The following PCMTD1 variants were observed in gnomAD, a reference collection of about 807,000 sequenced individuals.
The protein encoded by PCMTD1 is protein-L-isoaspartate (D-aspartate) O-methyltransferase domain containing 1, also known as protein-L-isoaspartate O-methyltransferase domain-containing protein 1.
PCMTD1 carries 12 observed loss-of-function variants against 37.6 expected under a neutral mutation model. That is an observed-to-expected ratio of 0.32 (90% CI 0.20 to 0.52). The LOEUF (loss-of-function observed/expected upper bound fraction) is 0.52. Ranked by LOEUF, PCMTD1 falls within the 20% of genes least tolerant of loss-of-function variation. The probability of loss-of-function intolerance (pLI) is 0.97; values close to 1 mark genes in which losing one functional copy is unlikely to be tolerated. For missense variants in PCMTD1, 235 were observed against 421.3 expected, an observed-to-expected ratio of 0.56 and a Z score of 3.87; for synonymous variants, 117 against 135.8, an observed-to-expected ratio of 0.86 and a Z score of 0.96.
chr8:51,891,677 T>C (rs995744598), intron 1 of PCMTD1, among the ~76,000 whole-genome samples: 1 of 121,394 alleles, frequency 8.2e-6, no homozygotes, highest in African/African-American at 2.6e-5. Flanking sequence ...AAACAAAAAA[T>C]ATATATATAC....
chr8:51,864,162 CAAAG>C (rs1228410789), intron 1 of PCMTD1, among the ~76,000 whole-genome samples: 1 of 151,928 alleles, frequency 6.6e-6, no homozygotes, highest in Non-Finnish European at 1.5e-5. Flanking sequence ...CAAAAAGAGA[CAAAG>C]AAGCAAAGAA....
At chr8:51,824,528 T>C (rs2037893748) in intron 5 of PCMTD1, among the ~76,000 whole-genome samples, 1 of 152,174 alleles carries the variant, frequency 6.6e-6, no homozygotes, top group Admixed American at 6.5e-5. Context: ...AACAAATCAC[T>C]GTTCAAGGAA....
chr8:51,853,777 C>A (rs1303455657), intron 2 of PCMTD1, among the ~76,000 whole-genome samples: 1 of 151,954 alleles, frequency 6.6e-6, no homozygotes, highest in African/African-American at 2.4e-5. Flanking sequence ...TCAACAGGCC[C>A]CAGTGCAGAC....
intron 1 of PCMTD1, among the ~76,000 whole-genome samples, chr8:51,882,416 G>A (rs1054168839): frequency 6.6e-6 from 1 of 152,000 alleles, no homozygotes; most frequent in Non-Finnish European, 1.5e-5. Context: ...ACTTTTAGGG[G>A]GACATGAACA....
intron 1 of PCMTD1, among the ~76,000 whole-genome samples, chr8:51,893,138 A>G (rs2038958360): frequency 6.6e-6 from 1 of 152,206 alleles, no homozygotes; most frequent in South Asian, 2.1e-4. Flanking sequence ...TTCCTTTATA[A>G]GCATGCATTT....
At chr8:51,872,628 G>A (rs1372044703) in intron 1 of PCMTD1, among the ~76,000 whole-genome samples, 4 of 152,086 alleles carry the variant, frequency 2.6e-5, no homozygotes, top group Admixed American at 6.6e-5. Context: ...CTCCTCCTGG[G>A]TCAGGATTTC....
At chr8:51,838,828 C>T (rs1203824067) in intron 3 of PCMTD1, among the ~76,000 whole-genome samples, 1 of 151,980 alleles carries the variant, frequency 6.6e-6, no homozygotes, top group Admixed American at 6.6e-5. Context: ...AATAATACTA[C>T]ACTATTTATA....
At chr8:51,898,085 G>T (rs1048634739) in intron 1 of PCMTD1, among the ~76,000 whole-genome samples, 1 of 152,082 alleles carries the variant, frequency 6.6e-6, no homozygotes, top group Non-Finnish European at 1.5e-5. Flanking sequence ...CAAGGAGCAA[G>T]CAGTACTTTT....
intron 2 of PCMTD1, among the ~76,000 whole-genome samples, chr8:51,855,368 C>A (rs1249812897): frequency 5.2e-4 from 68 of 129,806 alleles, no homozygotes; most frequent in African/African-American, 1.7e-3. Context: ...TCTTTAATAC[C>A]AAAAAAAAAA....
intron 2 of PCMTD1, among the ~76,000 whole-genome samples, chr8:51,851,516 T>A (rs1276156841): frequency 2.6e-5 from 4 of 152,198 alleles, no homozygotes. Flanking sequence ...AACCTATGAC[T>A]ATACCTCAAT....
At chr8:51,827,861 C>T (rs1222089530) in intron 5 of PCMTD1, among the ~76,000 whole-genome samples, 1 of 151,946 alleles carries the variant, frequency 6.6e-6, no homozygotes, top group Non-Finnish European at 1.5e-5. Context: ...GAATTTATTC[C>T]TATTTTACAT....
chr8:51,846,417 G>A (rs1378562140), intron 2 of PCMTD1, among the ~76,000 whole-genome samples: 1 of 152,176 alleles, frequency 6.6e-6, no homozygotes, highest in African/African-American at 2.4e-5. Context: ...CCCGAGAGAT[G>A]TTATTGGGCT....
chr8:51,829,088 G>A (rs976614700), intron 5 of PCMTD1, among the ~76,000 whole-genome samples: 3 of 152,068 alleles, frequency 2.0e-5, no homozygotes, highest in South Asian at 2.1e-4. Context: ...TCTGAATTAC[G>A]AAAGGTTGAA....
At chr8:51,887,349 C>A (rs1209309978) in intron 1 of PCMTD1, among the ~76,000 whole-genome samples, 1 of 152,116 alleles carries the variant, frequency 6.6e-6, no homozygotes, top group Non-Finnish European at 1.5e-5. Context: ...AAAATGTATA[C>A]CGGCAGCCCA....
At chr8:51,873,972 G>A (rs1585841515) in intron 1 of PCMTD1, among the ~76,000 whole-genome samples, 1 of 150,848 alleles carries the variant, frequency 6.6e-6, no homozygotes, top group Non-Finnish European at 1.5e-5. Context: ...GAGTGCAGTG[G>A]CGCAATCTCA....
chr8:51,860,662 T>C (rs1304942724), intron 2 of PCMTD1, 183 bp downstream of exon 2: 3 of 553,160 alleles, frequency 5.4e-6, no homozygotes, highest in African/African-American at 3.8e-5. Flanking sequence ...TAGGTTGAGG[T>C]AAGGACTCGG....
chr8:51,841,167 G>A (rs540511267), intron 3 of PCMTD1, among the ~76,000 whole-genome samples: 4 of 152,154 alleles, frequency 2.6e-5, no homozygotes, highest in Admixed American at 1.3e-4. Flanking sequence ...TTTCTCATCT[G>A]GGAAATGTGA....
chr8:51,875,995 TGC>T lies in PCMTD1; in HGVS notation c.-95-14751_-95-14750del, dbSNP rs200143342. Among the ~76,000 whole-genome samples the T allele has an allele frequency of 1.4e-4, 22 of 152,310 alleles. No homozygotes were observed. The East Asian group carries it at 3.7e-3, about 25-fold the overall frequency. ...GTGTGTGTGCATGTGCGTGCACGCA[TGC>T]GTGTGTTATCACTATTATATCATTA... On this transcript the variant is annotated intron_variant, in intron 1 of 5. Transcript: ENST00000522514.
chr8:51,897,420 T>C (rs537442858), intron 1 of PCMTD1, among the ~76,000 whole-genome samples: 19 of 152,318 alleles, frequency 1.2e-4, no homozygotes, highest in African/African-American at 4.1e-4. Context: ...TTTCTATCTT[T>C]CCTACCTTAC....
Sources: gnomAD v4.1 joint callset for allele counts (sites outside exome capture counted in the v4.1 genomes callset) on GRCh38, gnomAD v4.1.1 for gene constraint, MANE v1.5 for transcripts, NCBI Gene and HGNC (gene_info 2026-07-23, HGNC 2026-07-21) for gene names.